The following RAPGEF1 variants were observed in gnomAD, a reference collection of about 807,000 sequenced individuals.
The protein encoded by RAPGEF1 is CRK SH3-binding GNRP.
In RAPGEF1, 33 loss-of-function variants were observed where a neutral mutation model predicts 143.3. That is an observed-to-expected ratio of 0.23 (90% confidence interval 0.17 to 0.31). The LOEUF (loss-of-function observed/expected upper bound fraction) is 0.31, where lower values mean the gene tolerates loss of function less well. Among genes scored for constraint, RAPGEF1 ranks in the 10% least tolerant of loss-of-function variants. RAPGEF1 has a pLI of 1.00. For missense variants in RAPGEF1, 1,199 were observed against 1,645.4 expected, an observed-to-expected ratio of 0.73 and a Z score of 4.69; for synonymous variants, 629 against 676.5, an observed-to-expected ratio of 0.93 and a Z score of 1.09.
intron 22 of RAPGEF1, among the ~76,000 whole-genome samples, chr9:131,587,036 ACACC>A (rs1415127851): frequency 2.8e-5 from 3 of 106,230 alleles, no homozygotes; most frequent in Admixed American, 1.8e-4. Flanking sequence ...ACACACACAC[ACACC>A]CCTGCAGAGC....
chr9:131,604,753 C>T (rs572392016), intron 13 of RAPGEF1, among the ~76,000 whole-genome samples, 178 bp downstream of exon 13: 14 of 152,196 alleles, frequency 9.2e-5, no homozygotes, highest in Non-Finnish European at 1.9e-4. Context: ...CCTTGTGACC[C>T]TCAGTAGCTG....
In RAPGEF1 at chr9:131,627,994, G is replaced by C; in HGVS notation, c.1120C>G (p.Leu374Val). The C allele has an allele frequency of 6.3e-7, 1 of 1,594,216 alleles. No homozygotes were observed. Reference protein sequence around the residue: ...RLSPCSSIGKLSKSDEQLSSL... With the variant: ...RLSPCSSIGKVSKSDEQLSSL... ...GACAGCTGCTCGTCTGACTTGCTGA[G>C]CTTGCCTATGCTGCTGCAGGGGGAG... Residue 374 changes from leucine to valine, a missense_variant, in exon 9 of 27, where the codon CTC (leucine) becomes GTC (valine). By Grantham distance (32) the Leu-to-Val change is conservative. Around this residue, in one of 6 missense-constraint regions of RAPGEF1, gnomAD observed 613 missense variants for 710.9 expected, o/e 0.86. Coordinates refer to ENST00000683357, the MANE Select transcript of RAPGEF1 (RefSeq NM_001377935.1).
At chr9:131,682,354 G>A (rs1459662812) in intron 1 of RAPGEF1, among the ~76,000 whole-genome samples, 7 of 152,198 alleles carry the variant, frequency 4.6e-5, no homozygotes, top group East Asian at 1.9e-4. Context: ...GTTCTAAACC[G>A]GGGCATTTCC....
At chr9:131,587,410 A>G (rs1263498793) in intron 22 of RAPGEF1, among the ~76,000 whole-genome samples, 1 of 152,282 alleles carries the variant, frequency 6.6e-6, no homozygotes, top group Non-Finnish European at 1.5e-5. Flanking sequence ...CAGTGTGAGC[A>G]TCAGCTTGAG....
chr9:131,652,400 C>T (rs1201531764), intron 1 of RAPGEF1, among the ~76,000 whole-genome samples: 1 of 152,166 alleles, frequency 6.6e-6, no homozygotes, highest in Admixed American at 6.5e-5. Flanking sequence ...TAGGCAAGTG[C>T]TACAATGTCT....
In RAPGEF1 at chr9:131,626,079, C is replaced by A; in HGVS notation, c.1545G>T (p.Pro515=). 4.3e-6 allele frequency: 7 copies of A among 1,613,918 alleles called. No homozygotes were observed. Among genetic ancestry groups the A allele is most frequent in the Non-Finnish European group, 5.9e-6 (7 of 1,179,848 alleles). The change falls in exon 10 of 27, where the codon CCG becomes CCT. Residue 515 remains proline, a synonymous_variant. Transcript: ENST00000683357. ...ISGEDLQSTA[P]IPSVPYAPFA... ...AGGGCGCGTAGGGGACGGATGGGAT[C>A]GGGGCTGTGCTCTGCAGGTCCTCCC...
chr9:131,710,084 G>T, intron 1 of RAPGEF1: 1 of 408,480 alleles, frequency 2.4e-6, no homozygotes, highest in Non-Finnish European at 3.3e-6. Context: ...GGAATCAGGT[G>T]ATCAAAATGC....
In RAPGEF1 at chr9:131,579,459, C is replaced by T. The variant is rs371385939; in HGVS notation, c.*38G>A. On this transcript the variant is annotated 3_prime_UTR_variant, in exon 27 of 27. Coordinates refer to ENST00000683357, the MANE Select transcript of RAPGEF1 (RefSeq NM_001377935.1). ...TCTCCGGTCTGGGAGCTGCCCTCTG[C>T]GCCCCTCGAGCATTCTCCTGGATCC... 2.9e-5 allele frequency: 46 copies of T among 1,606,378 alleles called. No homozygotes were observed. The highest frequency in any genetic ancestry group is 1.7e-4 in the Middle Eastern group (1 of 6,030).
rs907749580 is a variant in RAPGEF1, at chr9:131,653,942, G to A, written c.62-2993C>T. 1.1e-4 allele frequency among the ~76,000 whole-genome samples: 16 copies of A among 152,300 alleles called. No individual in the cohort carries two copies. In the East Asian group the frequency reaches 3.1e-3, roughly 29 times the overall value. On this transcript the variant is annotated intron_variant, in intron 1 of 26. Transcript: ENST00000683357. The stretch of plus-strand genomic sequence containing the variant: ...ATATCCATACAATGGAATATTATTT[G>A]GCAATAAAAATAAATTAAGTACGGA...
intron 3 of RAPGEF1, among the ~76,000 whole-genome samples, chr9:131,647,753 A>G (rs1425257465): frequency 6.6e-6 from 1 of 152,106 alleles, no homozygotes; most frequent in African/African-American, 2.4e-5. Context: ...AACCCTTCCT[A>G]ATGAGCAATG....
intron 10 of RAPGEF1, among the ~76,000 whole-genome samples, chr9:131,625,267 G>C (rs1474705775): frequency 6.6e-6 from 1 of 152,200 alleles, no homozygotes; most frequent in Non-Finnish European, 1.5e-5. Flanking sequence ...GAAGTGTGGA[G>C]CAGTTAGGGG....
intron 3 of RAPGEF1, among the ~76,000 whole-genome samples, chr9:131,649,200 ATTTTTTT>A (rs55813422): frequency 5.0e-4 from 44 of 87,252 alleles, no homozygotes; most frequent in South Asian, 1.3e-3. Context: ...GCCTGGCTAA[ATTTTTTT>A]TTTTTTTTTT....
Position 131,655,226 on chromosome 9 carries a change from A to T in RAPGEF1, c.62-4277T>A, listed in dbSNP as rs1221072346. Among the ~76,000 whole-genome samples the T allele has an allele frequency of 6.6e-6, 1 of 152,218 alleles. No individual in the cohort carries two copies. Among genetic ancestry groups the T allele is most frequent in the African/African-American group, 2.4e-5 (1 of 41,452 alleles). On this transcript the variant is annotated intron_variant, in intron 1 of 26. Transcript: ENST00000683357. This position sits in a 1 kb window ranked among gnomAD's most constrained non-coding sequence, Gnocchi z 4.1. ...CACTGCGCTCTGGACCAAAGAGAAA[A>T]GCCAGGGCCTGACCCGCATTCACAT...
At position 131,584,674 on chromosome 9, in the gene RAPGEF1, CCT is replaced by C; in HGVS notation, c.3234-80_3234-79del. ...CCCAGGGGTCCTGGTGGAGACAGGA[CCT>C]GTACGACCCCCATGCCAGTGGCCAC... On this transcript the variant is annotated intron_variant, in intron 22 of 26. Coordinates refer to ENST00000683357, the MANE Select transcript of RAPGEF1 (RefSeq NM_001377935.1). This position sits in a 1 kb window ranked among gnomAD's most constrained non-coding sequence, Gnocchi z 6.8. The C allele has an allele frequency of 1.4e-6, 2 of 1,429,322 alleles. No individual in the cohort carries two copies. The highest frequency in any genetic ancestry group is 3.4e-5 in the Admixed American group (2 of 58,220). The allele number at this position is 1,429,322 out of a possible 1,614,324, so 88.5% of individuals were successfully genotyped here. A position where few individuals can be genotyped will look rare whatever the true frequency, so the allele number is the denominator to read the frequency against.
At chr9:131,654,859 C>T (rs1338483941) in intron 1 of RAPGEF1, among the ~76,000 whole-genome samples, 1 of 152,154 alleles carries the variant, frequency 6.6e-6, no homozygotes, top group Non-Finnish European at 1.5e-5. Flanking sequence ...AAGAAGACTG[C>T]TTCTTTTAGT....
At chr9:131,599,984 G>A (rs1323622960) in intron 15 of RAPGEF1, among the ~76,000 whole-genome samples, 1 of 152,150 alleles carries the variant, frequency 6.6e-6, no homozygotes, top group Non-Finnish European at 1.5e-5. Flanking sequence ...TGGGCGTGGT[G>A]GCGCTTGCCT....
intron 20 of RAPGEF1, 62 bp downstream of exon 20, chr9:131,588,739 G>C (rs1953645671): frequency 6.7e-7 from 1 of 1,497,454 alleles, no homozygotes; most frequent in Non-Finnish European, 9.0e-7. Context: ...AGGGAGGGAG[G>C]GTAAACTGAG....
rs1488108401 is a variant in RAPGEF1 at position 131,584,187 on chromosome 9, C to T, written c.3414+124G>A. Reference sequence around the variant, plus strand: ...TTCTGGTCACACAGCATGTCGGTGGCAGAGCAGGGGCCTAGGCCCAGCATT... The same window carrying T: ...TTCTGGTCACACAGCATGTCGGTGGTAGAGCAGGGGCCTAGGCCCAGCATT... On this transcript the variant is annotated intron_variant, in intron 24 of 26. Transcript: ENST00000683357. The surrounding 1 kb of genome is among the most constrained non-coding windows in gnomAD (Gnocchi z 6.8). 12 of 864,148 alleles carry T rather than the reference C, an allele frequency of 1.4e-5. No individual in the cohort carries two copies. The highest frequency in any genetic ancestry group is 4.8e-5 in the Admixed American group (2 of 41,736). The allele number at this position is 864,148 out of a possible 1,614,324, so 53.5% of individuals were successfully genotyped here.
chr9:131,582,099 T>C (rs1229350321), intron 25 of RAPGEF1, among the ~76,000 whole-genome samples: 1 of 152,194 alleles, frequency 6.6e-6, no homozygotes, highest in Non-Finnish European at 1.5e-5. Context: ...ATGAAACACA[T>C]ATTTCCTCTC....
Sources: gnomAD v4.1 joint callset for allele counts (sites outside exome capture counted in the v4.1 genomes callset) on GRCh38, gnomAD v4.1.1 for gene constraint, gnomAD v4.1.1 regional missense constraint, Gnocchi (gnomAD v3.1) non-coding constraint, MANE v1.5 for transcripts, NCBI Gene and HGNC (gene_info 2026-07-23, HGNC 2026-07-21) for gene names.